EPHA6: variants seen among roughly 807,000 people sequenced by gnomAD.
The protein encoded by EPHA6 is ephrin type-A receptor 6.
EPHA6 carries 50 observed loss-of-function variants against 112.0 expected under a neutral mutation model. The observed-to-expected ratio is 0.45, with a 90% CI of 0.36 to 0.56. The LOEUF is 0.56. Ranked by LOEUF, EPHA6 falls within the 20% of genes least tolerant of loss-of-function variation. The pLI is 0.00. For missense variants in EPHA6, 1,280 were observed against 1,417.4 expected (o/e 0.90, Z 1.56); for synonymous variants, 529 against 490.7 (o/e 1.08, Z -1.03).
intron 3 of EPHA6, among the ~76,000 whole-genome samples, chr3:97,199,228 T>C (rs2077517314): frequency 6.6e-6 from 1 of 152,064 alleles, no homozygotes; most frequent in Non-Finnish European, 1.5e-5. Context: ...CAGTTGGAGG[T>C]CATGGCTGCG....
chr3:96,842,583 C>T (rs1343555611), intron 1 of EPHA6, among the ~76,000 whole-genome samples: 1 of 151,958 alleles, frequency 6.6e-6, no homozygotes, highest in Non-Finnish European at 1.5e-5. Context: ...AGAGGTACAC[C>T]CTAAATTTCA....
chr3:97,259,245 A>T (rs1442380148), intron 5 of EPHA6, among the ~76,000 whole-genome samples: 1 of 152,176 alleles, frequency 6.6e-6, no homozygotes, highest in Non-Finnish European at 1.5e-5. Flanking sequence ...TTGAAAAAAA[A>T]TCTATGTAAA....
At chr3:96,923,739 T>G (rs1204541284) in intron 2 of EPHA6, among the ~76,000 whole-genome samples, 1 of 152,196 alleles carries the variant, frequency 6.6e-6, no homozygotes, top group Non-Finnish European at 1.5e-5. Context: ...TAGATTTTCT[T>G]CTAGAGATTT....
In EPHA6 at chr3:97,379,284, C is replaced by T. The variant is rs75938258; in HGVS notation, c.1607-25866C>T. Reference sequence around the variant, plus strand: ...GTCCAAGTAAGCCTCTTTTCCTTCCCAGTCTTGTGTATGTATTTATCAGCA... The same window carrying T: ...GTCCAAGTAAGCCTCTTTTCCTTCCTAGTCTTGTGTATGTATTTATCAGCA... On this transcript the variant is annotated intron_variant, in intron 5 of 17. Coordinates refer to ENST00000389672, the MANE Select transcript of EPHA6 (RefSeq NM_001080448.3). Among the ~76,000 whole-genome samples, 172 of 152,248 alleles carry T rather than the reference C, an allele frequency of 1.1e-3. 2 individuals are homozygous for T. In the East Asian group the frequency reaches 0.032, roughly 28 times the overall value.
At chr3:97,700,544 C>T (rs2033321640) in intron 14 of EPHA6, among the ~76,000 whole-genome samples, 1 of 152,134 alleles carries the variant, frequency 6.6e-6, no homozygotes, top group African/African-American at 2.4e-5. Flanking sequence ...TAAGCTGACC[C>T]ATTATTCCGT....
intron 5 of EPHA6, among the ~76,000 whole-genome samples, chr3:97,364,589 A>C (rs886807367): frequency 6.6e-6 from 1 of 152,068 alleles, no homozygotes; most frequent in African/African-American, 2.4e-5. Context: ...TTACAATATA[A>C]AAACATAATT....
chr3:97,292,294 T>TCTTC (rs1211002409), intron 5 of EPHA6, among the ~76,000 whole-genome samples: 1 of 152,210 alleles, frequency 6.6e-6, no homozygotes, highest in Non-Finnish European at 1.5e-5. Context: ...GGACCACAGC[T>TCTTC]CTTCTCTCCT....
At chr3:97,047,176 GATTT>G (rs748418946) in intron 3 of EPHA6, among the ~76,000 whole-genome samples, 4 of 152,090 alleles carry the variant, frequency 2.6e-5, no homozygotes, top group Non-Finnish European at 4.4e-5. Context: ...TAAACATATT[GATTT>G]ATTTAATAAT....
At chr3:97,641,181 A>C (rs1423189709) in intron 14 of EPHA6, among the ~76,000 whole-genome samples, 3 of 152,198 alleles carry the variant, frequency 2.0e-5, no homozygotes, top group African/African-American at 7.2e-5. Flanking sequence ...ATTATAACAA[A>C]ATTATAATAG....
intron 3 of EPHA6, among the ~76,000 whole-genome samples, chr3:97,214,264 C>T (rs889181340): frequency 2.0e-5 from 3 of 151,970 alleles, no homozygotes; most frequent in Admixed American, 6.6e-5. Context: ...GTCTCAAACT[C>T]CAGACCACAA....
At chr3:97,466,412 T>G (rs2091056341) in intron 7 of EPHA6, 2 of 1,602,976 alleles carry the variant, frequency 1.2e-6, no homozygotes, top group Non-Finnish European at 1.7e-6. Context: ...TTCATTATAT[T>G]CCATAGGACT....
chr3:97,581,166 T>C (rs1382510401), intron 11 of EPHA6, among the ~76,000 whole-genome samples: 1 of 152,168 alleles, frequency 6.6e-6, no homozygotes, highest in Non-Finnish European at 1.5e-5. Flanking sequence ...GGGATAAATG[T>C]TGGGAAGGAT....
At chr3:97,150,250 G>T (rs1334124388) in intron 3 of EPHA6, among the ~76,000 whole-genome samples, 2 of 151,992 alleles carry the variant, frequency 1.3e-5, no homozygotes, top group Non-Finnish European at 2.9e-5. Flanking sequence ...CCTAAGTCAG[G>T]CCATCTCTAT....
intron 1 of EPHA6, among the ~76,000 whole-genome samples, chr3:96,843,846 T>G (rs1324035071): frequency 1.3e-5 from 2 of 152,060 alleles, no homozygotes; most frequent in African/African-American, 4.8e-5. Flanking sequence ...AGAAATATTC[T>G]TTTTTTAACT....
At chr3:97,662,881 G>A (rs1356285805) in intron 14 of EPHA6, among the ~76,000 whole-genome samples, 1 of 152,134 alleles carries the variant, frequency 6.6e-6, no homozygotes, top group East Asian at 1.9e-4. Context: ...CTTCCAATAT[G>A]CATGTACTGC....
At chr3:97,651,662 G>T (rs2107609331) in intron 14 of EPHA6, among the ~76,000 whole-genome samples, 1 of 152,062 alleles carries the variant, frequency 6.6e-6, no homozygotes, top group East Asian at 1.9e-4. Context: ...ATTCAGCATT[G>T]TCTAATTCAG....
At chr3:97,550,600 G>A (rs1200501090) in intron 11 of EPHA6, among the ~76,000 whole-genome samples, 3 of 152,158 alleles carry the variant, frequency 2.0e-5, no homozygotes, top group Non-Finnish European at 4.4e-5. Flanking sequence ...ATGCAATTCT[G>A]CAAGAATTAA....
At chr3:97,441,421 C>G (rs1328137830) in intron 6 of EPHA6, 34 of 977,064 alleles carry the variant, frequency 3.5e-5, no homozygotes, top group Non-Finnish European at 4.1e-5. Context: ...TACAGACAAA[C>G]AAAACTACAA....
intron 5 of EPHA6, among the ~76,000 whole-genome samples, chr3:97,301,355 CTT>C (rs2081083687): frequency 6.6e-6 from 1 of 152,124 alleles, no homozygotes; most frequent in African/African-American, 2.4e-5. Context: ...AGTATTACCT[CTT>C]TGATCCTTTT....
Sources: allele counts gnomAD v4.1 joint callset (sites outside exome capture counted in the v4.1 genomes callset), GRCh38; gene constraint gnomAD v4.1.1; transcripts MANE v1.5; gene names NCBI Gene and HGNC (gene_info 2026-07-23, HGNC 2026-07-21).